INPP4B: variants seen among roughly 807,000 people sequenced by gnomAD.
INPP4B encodes inositol polyphosphate-4-phosphatase type II B, also known as inositol polyphosphate 4-phosphatase type II.
INPP4B carries 55 observed loss-of-function variants against 122.5 expected under a neutral mutation model. The ratio of observed to expected loss-of-function variants is 0.45; its 90% CI spans 0.36 to 0.56. The LOEUF is 0.56. Among genes scored for constraint, INPP4B ranks in the 20% least tolerant of loss-of-function variants. The pLI is 0.00. For missense variants in INPP4B, 1,000 were observed against 1,097.7 expected, an observed-to-expected ratio of 0.91 and a Z score of 1.26; for synonymous variants, 403 against 388.7, an observed-to-expected ratio of 1.04 and a Z score of -0.43.
chr4:142,624,451 G>T (rs1416192604), intron 2 of INPP4B, among the ~76,000 whole-genome samples: 1 of 151,794 alleles, frequency 6.6e-6, no homozygotes, highest in Admixed American at 6.6e-5. Flanking sequence ...TGAGTTCATT[G>T]TAGATGCTGG....
At chr4:142,196,595 T>A (rs1424396530) in intron 14 of INPP4B, among the ~76,000 whole-genome samples, 1 of 152,174 alleles carries the variant, frequency 6.6e-6, no homozygotes, top group Non-Finnish European at 1.5e-5. Context: ...TTTATCTTAG[T>A]GCTCACCTTC....
At chr4:142,292,491 A>G (rs1756867281) in intron 9 of INPP4B, among the ~76,000 whole-genome samples, 1 of 152,222 alleles carries the variant, frequency 6.6e-6, no homozygotes, top group Non-Finnish European at 1.5e-5. Flanking sequence ...TTATTGTGTG[A>G]GTCCTGGAAA....
intron 25 of INPP4B, among the ~76,000 whole-genome samples, chr4:142,051,294 A>G (rs1395121253): frequency 6.6e-6 from 1 of 152,024 alleles, no homozygotes. Flanking sequence ...TAAAATTCAT[A>G]GTGCTTAAAT....
chr4:142,230,919 G>T (rs1333711971), intron 12 of INPP4B, among the ~76,000 whole-genome samples: 1 of 152,082 alleles, frequency 6.6e-6, no homozygotes, highest in Non-Finnish European at 1.5e-5. Context: ...TCCTCCTTGT[G>T]AATTTTTTTG....
chr4:142,495,206 T>TTTTTA (rs1822383967), intron 2 of INPP4B, among the ~76,000 whole-genome samples: 1 of 152,156 alleles, frequency 6.6e-6, no homozygotes, highest in African/African-American at 2.4e-5. Context: ...TTAAAAACTT[T>TTTTTA]AGTAACATTT....
intron 25 of INPP4B, 142 bp downstream of exon 25, chr4:142,081,889 G>A: frequency 2.1e-6 from 1 of 477,758 alleles, no homozygotes; most frequent in Non-Finnish European, 3.6e-6. Context: ...ATCTATCTCT[G>A]ATGTCATAAG....
At chr4:142,816,679 T>C (rs1000846723) in intron 1 of INPP4B, among the ~76,000 whole-genome samples, 4 of 152,096 alleles carry the variant, frequency 2.6e-5, no homozygotes, top group African/African-American at 9.7e-5. Flanking sequence ...TATATACATA[T>C]ATATATACAT....
intron 2 of INPP4B, among the ~76,000 whole-genome samples, chr4:142,720,574 C>T (rs181006745): frequency 2.6e-5 from 4 of 151,162 alleles, no homozygotes; most frequent in Non-Finnish European, 4.4e-5. Flanking sequence ...ACAGTGTAAA[C>T]GCTATATAAA....
chr4:142,665,198 A>C (rs927015128), intron 2 of INPP4B, among the ~76,000 whole-genome samples: 1 of 152,214 alleles, frequency 6.6e-6, no homozygotes, highest in East Asian at 1.9e-4. Flanking sequence ...ATTCACTTCT[A>C]GAAAATTATT....
At chr4:142,635,796 C>A (rs1028825178) in intron 2 of INPP4B, among the ~76,000 whole-genome samples, 1 of 152,060 alleles carries the variant, frequency 6.6e-6, no homozygotes, top group Non-Finnish European at 1.5e-5. Context: ...ATCTATACAA[C>A]AAACCCCCAT....
At chr4:142,361,496 G>C (rs1479290131) in intron 7 of INPP4B, among the ~76,000 whole-genome samples, 1 of 151,872 alleles carries the variant, frequency 6.6e-6, no homozygotes, top group Admixed American at 6.6e-5. Flanking sequence ...CTTGTAGTTA[G>C]ATTTAGCTAT....
intron 1 of INPP4B, among the ~76,000 whole-genome samples, chr4:142,822,056 G>A (rs529489983): frequency 1.1e-4 from 16 of 152,216 alleles, no homozygotes; most frequent in Non-Finnish European, 1.6e-4. Context: ...ACAAGGAAGT[G>A]AGTTCCCTGT....
chr4:142,610,425 G>A (rs552129080), intron 2 of INPP4B, among the ~76,000 whole-genome samples: 250 of 152,190 alleles, frequency 1.6e-3, no homozygotes, highest in Non-Finnish European at 3.0e-3. Flanking sequence ...CCATCTGAGG[G>A]TAGTGACTAC....
At chr4:142,630,130 AAAAGCTTGTCC>A (rs1343558253) in intron 2 of INPP4B, among the ~76,000 whole-genome samples, 1 of 152,132 alleles carries the variant, frequency 6.6e-6, no homozygotes, top group East Asian at 1.9e-4. Context: ...GCCATGATGA[AAAAGCTTGTCC>A]AAAGTAGGGT....
rs72722497 is a variant in INPP4B, at chr4:142,316,097, C to T, written c.373-1335G>A. ...GTGCATTTGAACTTCTAGCTTAATG[C>T]TTTTTATTTCTTTATGACAGATCCA... is the stretch of plus-strand genomic sequence containing the variant. On this transcript the variant is annotated intron_variant, in intron 7 of 25. Transcript: ENST00000262992. Among the ~76,000 whole-genome samples the T allele has an allele frequency of 4.2e-3, 640 of 152,194 alleles. 3 individuals are homozygous for T. The highest frequency in any genetic ancestry group is 0.012 in the South Asian group (57 of 4,820).
chr4:142,427,473 C>T (rs1337839777), intron 5 of INPP4B: 2 of 679,936 alleles, frequency 2.9e-6, no homozygotes, highest in East Asian at 5.4e-5. Context: ...ATTCTTGATT[C>T]AAATCTGGAA....
At chr4:142,649,481 G>T (rs1485217050) in intron 2 of INPP4B, among the ~76,000 whole-genome samples, 1 of 152,170 alleles carries the variant, frequency 6.6e-6, no homozygotes, top group Admixed American at 6.5e-5. Context: ...TTGATAAAAG[G>T]TTATATGGAA....
intron 25 of INPP4B, among the ~76,000 whole-genome samples, chr4:142,043,146 C>T (rs1269171317): frequency 1.3e-5 from 2 of 152,108 alleles, no homozygotes; most frequent in Admixed American, 1.3e-4. Context: ...ATTCTTTTCC[C>T]ACTTCTATTT....
intron 23 of INPP4B, among the ~76,000 whole-genome samples, chr4:142,094,044 T>TAAA (rs1289979559): frequency 2.6e-5 from 4 of 152,246 alleles, no homozygotes; most frequent in Non-Finnish European, 4.4e-5. Context: ...ATTTTTTTCC[T>TAAA]GTTTATATTT....
Sources: gnomAD v4.1 joint callset for allele counts (sites outside exome capture counted in the v4.1 genomes callset) on GRCh38, gnomAD v4.1.1 for gene constraint, MANE v1.5 for transcripts, NCBI Gene and HGNC (gene_info 2026-07-23, HGNC 2026-07-21) for gene names.